The following RMDN2 variants were observed in gnomAD, a reference collection of about 807,000 sequenced individuals.
The protein encoded by RMDN2 is regulator of microtubule dynamics 2.
A neutral mutation model predicts 52.8 loss-of-function variants in RMDN2; 61 were observed. The observed-to-expected ratio is 1.16, with a 90% CI of 0.94 to 1.43. RMDN2 has a LOEUF of 1.43. Ranked by LOEUF, RMDN2 falls within the 40% of genes most tolerant of loss-of-function variation. The pLI, the probability that RMDN2 is intolerant of heterozygous loss-of-function variation, is 0.00. For synonymous variants in RMDN2, 180 were observed against 153.1 expected, an observed-to-expected ratio of 1.18 and a Z score of -1.30; for missense variants, 592 against 475.3, an observed-to-expected ratio of 1.25 and a Z score of -2.28.
downstream of RMDN2, among the ~76,000 whole-genome samples, chr2:38,018,586 C>T (rs911204749): frequency 1.3e-5 from 2 of 152,158 alleles, no homozygotes; most frequent in Non-Finnish European, 2.9e-5. Context: ...CACAGAACAT[C>T]TTAAGTGCAA....
intron 10 of RMDN2, chr2:38,066,929 T>G: frequency 6.2e-7 from 1 of 1,604,116 alleles, no homozygotes; most frequent in Non-Finnish European, 8.5e-7. Flanking sequence ...ACGCCAAAGT[T>G]TCAATGCCAT....
intron 10 of RMDN2, among the ~76,000 whole-genome samples, chr2:38,009,317 T>C (rs551006356): frequency 6.6e-6 from 1 of 152,368 alleles, no homozygotes; most frequent in East Asian, 1.9e-4. Context: ...CTTGGTTCCA[T>C]TCTCCCTGTC....
chr2:38,029,935 G>C (rs1461079268), intron 10 of RMDN2: 1 of 152,218 alleles, frequency 6.6e-6, no homozygotes, highest in Non-Finnish European at 1.5e-5. Flanking sequence ...TGGCAGGCAA[G>C]AGAGAATGAG....
Position 38,017,253 on chromosome 2 carries a change from C to G in RMDN2, c.*14C>G. The G allele has an allele frequency of 2.6e-6, 4 of 1,516,606 alleles. No homozygotes were observed. The highest frequency in any genetic ancestry group is 3.5e-6 in the Non-Finnish European group (4 of 1,130,632). 93.9% of individuals were successfully genotyped at this position (1,516,606 alleles called of 1,614,324 possible). ...TTGAAGAGGTAAATAAACGAATTTA[C>G]TCTTCAACAAATCAGATGTGGTCTA... is the stretch of plus-strand genomic sequence containing the variant. On this transcript the variant is annotated 3_prime_UTR_variant, in exon 11 of 11. Transcript: ENST00000354545.
At chr2:38,004,264 T>C in intron 10 of RMDN2, 48 bp downstream of exon 10, 1 of 1,302,070 alleles carries the variant, frequency 7.7e-7, no homozygotes. Context: ...TTAGTACTAT[T>C]CGAGCTCAAA....
In RMDN2 at chr2:37,974,178, G is replaced by C. The variant is rs748779695; in HGVS notation, c.591G>C (p.Ser197=). ...DHLRMSESGK[S]ESFELLRDHK... The stretch of plus-strand genomic sequence containing the variant: ...TACGTATGAGTGAGTCTGGCAAGTC[G>C]GAGAGTTTTGAACTACTTCGTGACC... The change falls in exon 3 of 11, where the codon TCG becomes TCC. Residue 197 remains serine, a synonymous_variant. Coordinates refer to ENST00000354545, the MANE Select transcript of RMDN2 (RefSeq NM_001170791.3). 3 of 1,613,024 alleles carry C rather than the reference G, an allele frequency of 1.9e-6. No homozygotes were observed. The highest frequency in any genetic ancestry group is 2.5e-6 in the Non-Finnish European group (3 of 1,179,498).
chr2:37,927,598 G>A (rs1199729116), intron 1 of RMDN2, among the ~76,000 whole-genome samples: 1 of 152,140 alleles, frequency 6.6e-6, no homozygotes, highest in African/African-American at 2.4e-5. Context: ...TCCAAGGTAT[G>A]GGCAAAAGAA....
chr2:37,976,588 T>C (rs1038668941), intron 4 of RMDN2, among the ~76,000 whole-genome samples: 1 of 152,168 alleles, frequency 6.6e-6, no homozygotes, highest in Admixed American at 6.6e-5. Flanking sequence ...TTTCCCCCAG[T>C]GGGAGGAGGA....
intron 7 of RMDN2, among the ~76,000 whole-genome samples, chr2:37,993,581 C>T (rs193152623): frequency 3.3e-5 from 5 of 152,004 alleles, no homozygotes; most frequent in Non-Finnish European, 7.4e-5. Context: ...AATACCAGTT[C>T]CAAGTACTGG....
intron 4 of RMDN2, among the ~76,000 whole-genome samples, chr2:37,978,817 G>GATAGATAGATAGAT (rs1672923069): frequency 2.9e-5 from 2 of 68,638 alleles, no homozygotes; most frequent in Admixed American, 1.5e-4. Context: ...GATAGATAGA[G>GATAGATAGATAGAT]AACAGGCTGT....
chr2:37,947,534 G>T (rs902615324), intron 2 of RMDN2, among the ~76,000 whole-genome samples: 2 of 152,156 alleles, frequency 1.3e-5, no homozygotes, highest in Non-Finnish European at 2.9e-5. Flanking sequence ...GGGAACTTAT[G>T]TGGAGAGTTT....
downstream of RMDN2, among the ~76,000 whole-genome samples, chr2:38,018,230 A>G (rs1679061449): frequency 6.6e-6 from 1 of 152,232 alleles, no homozygotes; most frequent in African/African-American, 2.4e-5. Flanking sequence ...TTCGGAAAGC[A>G]TTCAATGCTA....
intron 2 of RMDN2, among the ~76,000 whole-genome samples, chr2:37,962,771 C>T (rs1670427171): frequency 6.6e-6 from 1 of 152,164 alleles, no homozygotes; most frequent in Non-Finnish European, 1.5e-5. Context: ...CTGCAGCTAC[C>T]TCAGTGTCTG....
At chr2:38,022,288 A>T (rs79829873), downstream of RMDN2, among the ~76,000 whole-genome samples, 328 of 152,330 alleles carry the variant, frequency 2.2e-3, 3 homozygotes, top group Middle Eastern at 3.4e-3. Flanking sequence ...TTATATGTAG[A>T]ACATTATGCC....
chr2:37,963,607 CAT>C (rs1460312229), intron 2 of RMDN2, among the ~76,000 whole-genome samples: 1 of 152,194 alleles, frequency 6.6e-6, no homozygotes, highest in Non-Finnish European at 1.5e-5. Context: ...GGACACAGCA[CAT>C]GTTTCAGAGA....
chr2:38,043,972 G>A (rs1477995289), intron 10 of RMDN2, among the ~76,000 whole-genome samples: 1 of 151,916 alleles, frequency 6.6e-6, no homozygotes, highest in African/African-American at 2.4e-5. Context: ...CTTTATCCAA[G>A]TGTCTGATCT....
upstream of RMDN2, among the ~76,000 whole-genome samples, chr2:37,923,957 C>T (rs1183706949): frequency 6.6e-6 from 1 of 152,186 alleles, no homozygotes; most frequent in Non-Finnish European, 1.5e-5. Context: ...ATCATATTGG[C>T]CAGGCTGGTC....
chr2:38,013,622 C>T (rs1293167515), intron 10 of RMDN2, among the ~76,000 whole-genome samples: 1 of 152,176 alleles, frequency 6.6e-6, no homozygotes, highest in African/African-American at 2.4e-5. Context: ...CCTAATTCTG[C>T]TTTAAATGCT....
In RMDN2 at chr2:38,017,640, T is replaced by C. The variant is rs1325394405; in HGVS notation, c.*401T>C. ...AAAATGGAAAACTCAGCAAAGGACA[T>C]GAACAAGTTGTTGGCAGAAGAGGAA... is the stretch of plus-strand genomic sequence containing the variant. On this transcript the variant is annotated 3_prime_UTR_variant, in exon 11 of 11. Transcript: ENST00000354545. The C allele has an allele frequency of 9.6e-7, 1 of 1,038,558 alleles. No individual in the cohort carries two copies. The allele number at this position is 1,038,558 out of a possible 1,614,324, so 64.3% of individuals were successfully genotyped here. A position where few individuals can be genotyped will look rare whatever the true frequency, so the allele number is the denominator to read the frequency against.
Sources: gnomAD v4.1 joint callset for allele counts (sites outside exome capture counted in the v4.1 genomes callset) on GRCh38, gnomAD v4.1.1 for gene constraint, MANE v1.5 for transcripts, NCBI Gene and HGNC (gene_info 2026-07-23, HGNC 2026-07-21) for gene names.